KEAP1: variants seen among roughly 807,000 people sequenced by gnomAD.
KEAP1 encodes kelch like ECH associated protein 1, also known as kelch-like ECH-associated protein 1.
KEAP1 carries 26 observed loss-of-function variants against 59.7 expected under a neutral mutation model. The ratio of observed to expected loss-of-function variants is 0.44; its 90% confidence interval spans 0.32 to 0.60. The LOEUF is 0.60. Ranked by LOEUF, KEAP1 falls within the 20% of genes least tolerant of loss-of-function variation. The pLI, the probability that KEAP1 is intolerant of heterozygous loss-of-function variation, is 0.06. For missense variants in KEAP1, 539 were observed against 871.4 expected (o/e 0.62, Z 4.80); for synonymous variants, 350 against 358.3 (o/e 0.98, Z 0.26).
At chr19:10,496,197 GA>G (rs67843150) in intron 2 of KEAP1, among the ~76,000 whole-genome samples, 57,035 of 117,512 alleles carry the variant, frequency 0.49, 13,010 homozygotes, top group African/African-American at 0.67. Flanking sequence ...TCTAAAAAAA[GA>G]AAAAAAAAAA....
At chr19:10,486,869 A>G (rs377355513) in intron 5 of KEAP1, 51 bp from the exon 6 acceptor site, 13 of 1,566,630 alleles carry the variant, frequency 8.3e-6, no homozygotes, top group South Asian at 2.3e-5. Context: ...CACATCCAAG[A>G]GCAGGGGACA....
intron 4 of KEAP1, 31 bp downstream of exon 4, chr19:10,489,617 G>C (rs1914598398): frequency 6.2e-7 from 1 of 1,608,024 alleles, no homozygotes; most frequent in Non-Finnish European, 8.5e-7. Context: ...GGGTGTTCCT[G>C]GGTGCTCCCC....
At position 10,491,805 on chromosome 19, in the gene KEAP1, GC is replaced by G. The variant is rs1342071143; in HGVS notation, c.1096del (p.Ala366ProfsTer34). ...CAACAGCCCGCCCACCACGCAGCCG[GC>G]CAGGCCGCTCCGCGGCACCTGCAGG... ...ADLQVPRSGL[A>X]GCVVGGLLYA... On this transcript the variant is annotated frameshift_variant, in exon 3 of 6. Coordinates refer to ENST00000171111, the MANE Select transcript of KEAP1 (RefSeq NM_203500.2). LOFTEE classifies it high-confidence loss of function. The surrounding 1 kb of genome is among the most constrained non-coding windows in gnomAD (Gnocchi z 5.2). 1.3e-6 allele frequency: 2 copies of G among 1,595,820 alleles called. No individual in the cohort carries two copies. Among genetic ancestry groups the G allele is most frequent in the Non-Finnish European group, 1.7e-6 (2 of 1,171,652 alleles).
At chr19:10,493,808 GC>G (rs1255349512) in intron 2 of KEAP1, among the ~76,000 whole-genome samples, 34 of 151,624 alleles carry the variant, frequency 2.2e-4, no homozygotes, top group Non-Finnish European at 3.8e-4. Context: ...TGATCCGCCC[GC>G]CTCGGCCTCC....
At position 10,491,452 on chromosome 19, in the gene KEAP1, C is replaced by G; in HGVS notation, c.1325+125G>C. ...ACTCTCCAAGGAGCTTAGCTTCATCCTGAGGCCTCCACTCCCTGAAGACAG... is the reference window on the plus strand; with the variant it reads ...ACTCTCCAAGGAGCTTAGCTTCATCGTGAGGCCTCCACTCCCTGAAGACAG... On this transcript the variant is annotated intron_variant, in intron 3 of 5. Coordinates refer to ENST00000171111, the MANE Select transcript of KEAP1 (RefSeq NM_203500.2). The surrounding 1 kb of genome is among the most constrained non-coding windows in gnomAD (Gnocchi z 5.2). The G allele has an allele frequency of 1.3e-6, 1 of 765,842 alleles. No individual in the cohort carries two copies. Among genetic ancestry groups the G allele is most frequent in the Non-Finnish European group, 1.9e-6 (1 of 520,610 alleles). 47.4% of individuals were successfully genotyped at this position (765,842 alleles called of 1,614,324 possible). A position where few individuals can be genotyped will look rare whatever the true frequency, so the allele number is the denominator to read the frequency against.
intron 2 of KEAP1, among the ~76,000 whole-genome samples, chr19:10,493,304 G>A (rs949534115): frequency 2.0e-5 from 3 of 151,694 alleles, no homozygotes; most frequent in Non-Finnish European, 1.5e-5. Flanking sequence ...GACTACAGGC[G>A]CCCGCGACCA....
chr19:10,491,577 C>T lies in KEAP1; in HGVS notation c.1325G>A (p.Arg442Lys), dbSNP rs768152065. The T allele has an allele frequency of 5.3e-6, 8 of 1,522,552 alleles. No homozygotes were observed. Among genetic ancestry groups the T allele is most frequent in the South Asian group, 5.2e-5 (4 of 76,882 alleles). 94.3% of individuals were successfully genotyped at this position (1,522,552 alleles called of 1,614,324 possible). Reference sequence around the variant, plus strand: ...CCCACCCCCAGGCCCTGCCACTCACCTCTCCACACTGTTGTGGTGGATGCA... The same window carrying T: ...CCCACCCCCAGGCCCTGCCACTCACTTCTCCACACTGTTGTGGTGGATGCA... ...HGCIHHNSVE[R>K]YEPERDEWHL... Residue 442 changes from arginine (R) to lysine (K), a missense_variant and splice_region_variant, in exon 3 of 6, where the codon AGG (arginine) becomes AAG (lysine). Arg to Lys is a conservative substitution (Grantham distance 26). Transcript: ENST00000171111. The surrounding 1 kb of genome is among the most constrained non-coding windows in gnomAD (Gnocchi z 5.2).
Position 10,491,589 on chromosome 19 carries a change from T to C in KEAP1, c.1313A>G (p.Asn438Ser), listed in dbSNP as rs1360465017. The stretch of plus-strand genomic sequence containing the variant: ...CCCTGCCACTCACCTCTCCACACTG[T>C]TGTGGTGGATGCAGCCGTGGGAGCC... ...VGGSHGCIHH[N>S]SVERYEPERD... The change falls in exon 3 of 6, where the codon AAC becomes AGC. Residue 438 changes from asparagine (N) to serine (S), a missense_variant. Physicochemically the swap from Asn to Ser is conservative, Grantham distance 46 (BLOSUM62 1). Coordinates refer to ENST00000171111, the MANE Select transcript of KEAP1 (RefSeq NM_203500.2). This position sits in a 1 kb window ranked among gnomAD's most constrained non-coding sequence, Gnocchi z 5.2. 5 of 1,563,914 alleles carry C rather than the reference T, an allele frequency of 3.2e-6. No homozygotes were observed. Among genetic ancestry groups the C allele is most frequent in the Non-Finnish European group, 4.3e-6 (5 of 1,156,888 alleles).
In KEAP1 at chr19:10,493,155, C is replaced by G. The variant is rs546108321; in HGVS notation, c.640-893G>C. Among the ~76,000 whole-genome samples, 83 of 137,412 alleles carry G rather than the reference C, an allele frequency of 6.0e-4. 2 individuals are homozygous for G. In the South Asian group the frequency reaches 0.019, roughly 31 times the overall value. 90.1% of individuals were successfully genotyped at this position (137,412 alleles called of 152,430 possible). ...GGATTACAGGAGTGTGCCTCCAGAGCAGCTAATTTTTTTTTTTTTTTTGGA... is the reference window on the plus strand; with the variant it reads ...GGATTACAGGAGTGTGCCTCCAGAGGAGCTAATTTTTTTTTTTTTTTTGGA... On this transcript the variant is annotated intron_variant, in intron 2 of 5. Transcript: ENST00000171111.
At chr19:10,497,457 G>A (rs1009226138) in intron 2 of KEAP1, among the ~76,000 whole-genome samples, 1 of 152,170 alleles carries the variant, frequency 6.6e-6, no homozygotes, top group African/African-American at 2.4e-5. Flanking sequence ...AAGGCTTAGG[G>A]CCTGGGGCAC....
At chr19:10,496,678 G>A (rs1914862953) in intron 2 of KEAP1, among the ~76,000 whole-genome samples, 1 of 150,712 alleles carries the variant, frequency 6.6e-6, no homozygotes, top group South Asian at 2.1e-4. Flanking sequence ...GTGCACCCCT[G>A]TAATCCCAGC....
chr19:10,488,097 CAG>C (rs1245484370), intron 5 of KEAP1, among the ~76,000 whole-genome samples: 1 of 151,956 alleles, frequency 6.6e-6, no homozygotes, highest in Non-Finnish European at 1.5e-5. Flanking sequence ...CATTGCACTC[CAG>C]CATGGGCAAC....
intron 2 of KEAP1, among the ~76,000 whole-genome samples, chr19:10,496,002 T>C (rs1461527711): frequency 6.6e-6 from 1 of 151,290 alleles, no homozygotes; most frequent in Non-Finnish European, 1.5e-5. Context: ...CTGGGCAACA[T>C]AGCGAGACCT....
rs2144589445 is a variant in KEAP1, at chr19:10,489,667, G to A, written c.1512C>T (p.Asn504=). The A allele has an allele frequency of 6.2e-7, 1 of 1,614,022 alleles. No individual in the cohort carries two copies. The highest frequency in any genetic ancestry group is 8.5e-7 in the Non-Finnish European group (1 of 1,180,004). ...RNEWRMITAM[N]TIRSGAGVCV... ...ACCCACCTGCCCCGCTTCGGATGGT[G>A]TTCATTGCTGTGATCATTCGCCACT... Residue 504 remains asparagine (N), a synonymous_variant, in exon 4 of 6, where the codon AAC becomes AAT. Transcript: ENST00000171111.
chr19:10,486,439 G>A lies in KEAP1; in HGVS notation c.*213C>T, dbSNP rs375297625. 9.2e-6 allele frequency: 5 copies of A among 546,086 alleles called. No homozygotes were observed. The highest frequency in any genetic ancestry group is 3.9e-5 in the African/African-American group (2 of 51,832). 33.8% of individuals were successfully genotyped at this position (546,086 alleles called of 1,614,324 possible). On this transcript the variant is annotated 3_prime_UTR_variant, in exon 6 of 6. Coordinates refer to ENST00000171111, the MANE Select transcript of KEAP1 (RefSeq NM_203500.2). ...TTTCCACACCCCCTTTCCCAGCCAGGCTGTCTTGGACACTCCCGGGGCTCC... is the reference window on the plus strand; with the variant it reads ...TTTCCACACCCCCTTTCCCAGCCAGACTGTCTTGGACACTCCCGGGGCTCC...
Position 10,499,284 on chromosome 19 carries a change from T to C in KEAP1, c.639+111A>G, listed in dbSNP as rs1914956503. On this transcript the variant is annotated intron_variant, in intron 2 of 5. Coordinates refer to ENST00000171111, the MANE Select transcript of KEAP1 (RefSeq NM_203500.2). This position sits in a 1 kb window ranked among gnomAD's most constrained non-coding sequence, Gnocchi z 6.7. ...ACACCACCATACCCAGCCCAGAACC[T>C]CCTTTTTCTCCAGTTTCCTGCCTTG... 3 of 1,043,914 alleles carry C rather than the reference T, an allele frequency of 2.9e-6. No homozygotes were observed. Among genetic ancestry groups the C allele is most frequent in the Non-Finnish European group, 4.1e-6 (3 of 726,144 alleles). The allele number at this position is 1,043,914 out of a possible 1,614,324, so 64.7% of individuals were successfully genotyped here.
Position 10,503,008 on chromosome 19 carries a change from A to T in KEAP1, c.-48+233T>A, listed in dbSNP as rs571152632. The T allele has an allele frequency of 3.3e-5, 5 of 151,310 alleles. No individual in the cohort carries two copies. The highest frequency in any genetic ancestry group is 7.4e-5 in the Non-Finnish European group (5 of 67,796). The allele number at this position is 151,310 out of a possible 1,614,324, so 9.4% of individuals were successfully genotyped here. A position where few individuals can be genotyped will look rare whatever the true frequency, so the allele number is the denominator to read the frequency against. Reference sequence around the variant, plus strand: ...GTGGTCCGAGTCGCGGGGAGTCTGAACCCCGAGTTCCAGGCCTGCGCGCCC... The same window carrying T: ...GTGGTCCGAGTCGCGGGGAGTCTGATCCCCGAGTTCCAGGCCTGCGCGCCC... On this transcript the variant is annotated intron_variant, in intron 1 of 5. Transcript: ENST00000171111. This position sits in a 1 kb window ranked among gnomAD's most constrained non-coding sequence, Gnocchi z 4.3.
chr19:10,487,167 AG>A (rs1160028557), intron 5 of KEAP1, among the ~76,000 whole-genome samples: 1 of 151,738 alleles, frequency 6.6e-6, no homozygotes, highest in African/African-American at 2.4e-5. Context: ...AACATGGTGA[AG>A]CCCCATCTCT....
intron 5 of KEAP1, among the ~76,000 whole-genome samples, chr19:10,487,938 G>A (rs1914523962): frequency 6.6e-6 from 1 of 152,088 alleles, no homozygotes; most frequent in African/African-American, 2.4e-5. Flanking sequence ...AGACCAGCCT[G>A]ACCAACATGG....
Sources: gnomAD v4.1 joint callset for allele counts (sites outside exome capture counted in the v4.1 genomes callset) on GRCh38, gnomAD v4.1.1 for gene constraint, Gnocchi (gnomAD v3.1) non-coding constraint, MANE v1.5 for transcripts, NCBI Gene and HGNC (gene_info 2026-07-23, HGNC 2026-07-21) for gene names.